NEDD4: variants seen among roughly 807,000 people sequenced by gnomAD.
NEDD4 encodes the protein NEDD4 E3 ubiquitin protein ligase.
NEDD4 carries 99 observed loss-of-function variants against 144.9 expected under a neutral mutation model. The observed-to-expected ratio is 0.68, with a 90% CI of 0.58 to 0.81. NEDD4 has a LOEUF of 0.81. Ranked by LOEUF, NEDD4 falls within the 30% of genes least tolerant of loss-of-function variation. The pLI is 0.00. For missense variants in NEDD4, 985 were observed against 1,065.9 expected (o/e 0.92, Z 1.06); for synonymous variants, 318 against 350.6 (o/e 0.91, Z 1.04).
At chr15:55,960,745 T>C (rs896068713) in intron 2 of NEDD4, among the ~76,000 whole-genome samples, 2 of 152,198 alleles carry the variant, frequency 1.3e-5, no homozygotes, top group Non-Finnish European at 2.9e-5. Flanking sequence ...CCATGAAATT[T>C]ATGCCTACTT....
At chr15:55,917,284 C>T (rs1566951180) in intron 5 of NEDD4, 3 of 512,554 alleles carry the variant, frequency 5.9e-6, no homozygotes, top group Non-Finnish European at 7.5e-6. Context: ...CTATGTGAAT[C>T]ACAGTGCCTA....
chr15:55,845,560 T>C (rs1337913744), intron 18 of NEDD4, among the ~76,000 whole-genome samples: 3 of 152,068 alleles, frequency 2.0e-5, no homozygotes, highest in Non-Finnish European at 2.9e-5. Context: ...TGTAATGGCA[T>C]TGTCTCCCAT....
rs573693216 is a variant in NEDD4 at position 55,993,416 on chromosome 15, G to A, written c.45+95C>T. 133 of 1,466,972 alleles carry A rather than the reference G, an allele frequency of 9.1e-5. No individual in the cohort carries two copies. The East Asian group carries it at 3.5e-3, about 38-fold the overall frequency. 90.9% of individuals were successfully genotyped at this position (1,466,972 alleles called of 1,614,324 possible). On this transcript the variant is annotated intron_variant, in intron 1 of 28. Coordinates refer to ENST00000435532, the MANE Select transcript of NEDD4 (RefSeq NM_006154.4). ...GCCGAGGGAGGAGGGGCTGACAGCA[G>A]AGCCTCCGGTCGTGGCCGCCGCCGC...
At chr15:55,849,829 G>A (rs1223232009) in intron 14 of NEDD4, among the ~76,000 whole-genome samples, 2 of 148,034 alleles carry the variant, frequency 1.4e-5, no homozygotes, top group Non-Finnish European at 1.5e-5. Flanking sequence ...GTCTCGCTCT[G>A]TTGCCCAGGC....
intron 4 of NEDD4, among the ~76,000 whole-genome samples, chr15:55,949,757 C>A (rs1010788936): frequency 6.6e-6 from 1 of 151,838 alleles, no homozygotes; most frequent in Non-Finnish European, 1.5e-5. Flanking sequence ...ACAATGAGAA[C>A]ACTTGGACAC....
intron 4 of NEDD4, among the ~76,000 whole-genome samples, chr15:55,926,417 T>C (rs1368871992): frequency 2.0e-5 from 3 of 152,120 alleles, no homozygotes; most frequent in Non-Finnish European, 4.4e-5. Context: ...ATTGTGACCA[T>C]GGAGTAACTG....
At chr15:55,956,811 T>G (rs1351126442) in intron 2 of NEDD4, among the ~76,000 whole-genome samples, 7 of 152,320 alleles carry the variant, frequency 4.6e-5, no homozygotes, top group East Asian at 1.9e-4. Flanking sequence ...ATACAAATAT[T>G]GAAATCAGCT....
At chr15:55,990,608 T>C (rs2037974810) in intron 1 of NEDD4, among the ~76,000 whole-genome samples, 1 of 152,152 alleles carries the variant, frequency 6.6e-6, no homozygotes, top group Non-Finnish European at 1.5e-5. Flanking sequence ...ATGCTCCACC[T>C]CATTTCCACT....
At chr15:55,858,490 T>C (rs1429198730) in intron 11 of NEDD4, among the ~76,000 whole-genome samples, 1 of 152,148 alleles carries the variant, frequency 6.6e-6, no homozygotes, top group Non-Finnish European at 1.5e-5. Flanking sequence ...GTATTTTTAG[T>C]AGTGACAAGG....
chr15:55,981,209 A>T (rs1181110973), intron 1 of NEDD4, among the ~76,000 whole-genome samples: 14 of 151,844 alleles, frequency 9.2e-5, no homozygotes, highest in Admixed American at 9.2e-4. Context: ...CACACAGCTA[A>T]TTCTTGTATT....
intron 2 of NEDD4, among the ~76,000 whole-genome samples, chr15:55,960,796 C>T (rs1370222036): frequency 2.0e-5 from 3 of 152,210 alleles, no homozygotes; most frequent in African/African-American, 7.2e-5. Flanking sequence ...GGGAAACCTG[C>T]TTGGAAAATG....
intron 4 of NEDD4, among the ~76,000 whole-genome samples, chr15:55,950,097 A>T (rs1486716844): frequency 6.6e-6 from 1 of 152,198 alleles, no homozygotes; most frequent in Non-Finnish European, 1.5e-5. Flanking sequence ...AAAAGCAATC[A>T]AAACCAGACA....
chr15:55,922,265 T>G lies in NEDD4; in HGVS notation c.291+2381A>C, dbSNP rs528213825. 2.0e-5 allele frequency among the ~76,000 whole-genome samples: 3 copies of G among 152,296 alleles called. No individual in the cohort carries two copies. The South Asian group carries it at 6.2e-4, about 32-fold the overall frequency. ...CATCATTGAAATGTGTAATCACAGA[T>G]CTCACAAATATAATGTTAAGCAAAA... is the stretch of plus-strand genomic sequence containing the variant. On this transcript the variant is annotated intron_variant, in intron 5 of 28. Coordinates refer to ENST00000435532, the MANE Select transcript of NEDD4 (RefSeq NM_006154.4).
At chr15:55,935,719 C>T (rs1449810907) in intron 4 of NEDD4, among the ~76,000 whole-genome samples, 1 of 151,548 alleles carries the variant, frequency 6.6e-6, no homozygotes. Context: ...TGGTGGCATG[C>T]GCCTGTAGTC....
At chr15:55,944,932 C>T (rs531756931) in intron 4 of NEDD4, among the ~76,000 whole-genome samples, 9 of 152,094 alleles carry the variant, frequency 5.9e-5, no homozygotes, top group African/African-American at 9.6e-5. Flanking sequence ...GAGTGTTAGA[C>T]GGAAAACTAA....
chr15:55,830,789 T>C (rs1395106191), intron 27 of NEDD4, among the ~76,000 whole-genome samples: 5 of 152,172 alleles, frequency 3.3e-5, no homozygotes, highest in African/African-American at 4.8e-5. Flanking sequence ...AGCCTCAAGC[T>C]CCTGGGCTCA....
At chr15:55,839,996 AAAAATATATATATATATATATATATATAT>A (rs1566901025) in intron 21 of NEDD4, among the ~76,000 whole-genome samples, 1 of 29,336 alleles carries the variant, frequency 3.4e-5, no homozygotes, top group Non-Finnish European at 6.9e-5. Context: ...AAAAAAAAAA[AAAAATATATATATATATATATATATATAT>A]ATATATATAT....
chr15:55,919,338 T>C (rs2036527246), intron 5 of NEDD4, among the ~76,000 whole-genome samples: 1 of 152,094 alleles, frequency 6.6e-6, no homozygotes, highest in African/African-American at 2.4e-5. Context: ...TTTAAAGAAA[T>C]ATCAAAAAGC....
intron 4 of NEDD4, among the ~76,000 whole-genome samples, chr15:55,943,598 G>A (rs992216914): frequency 6.6e-6 from 1 of 152,224 alleles, no homozygotes; most frequent in African/African-American, 2.4e-5. Flanking sequence ...TGAGGCTTAG[G>A]AGCTCTTCCT....
Sources: gnomAD v4.1 joint callset for allele counts (sites outside exome capture counted in the v4.1 genomes callset) on GRCh38, gnomAD v4.1.1 for gene constraint, MANE v1.5 for transcripts, NCBI Gene and HGNC (gene_info 2026-07-23, HGNC 2026-07-21) for gene names.